The following ZMYM5 variants were observed in gnomAD, a reference collection of about 807,000 sequenced individuals.
ZMYM5 encodes the protein zinc finger MYM-type protein 5.
ZMYM5 carries 41 observed loss-of-function variants against 61.8 expected under a neutral mutation model. That is an observed-to-expected ratio of 0.66 (90% CI 0.52 to 0.86). ZMYM5 has a LOEUF of 0.86. ZMYM5 is among the 40% of genes least tolerant of loss of function. The probability of loss-of-function intolerance (pLI) is 0.00; values close to 1 mark genes in which losing one functional copy is unlikely to be tolerated. For synonymous variants in ZMYM5, 257 were observed against 276.4 expected, an observed-to-expected ratio of 0.93 and a Z score of 0.70; for missense variants, 706 against 786.7, an observed-to-expected ratio of 0.90 and a Z score of 1.23.
intron 7 of ZMYM5, among the ~76,000 whole-genome samples, chr13:19,833,611 G>T (rs755177659): frequency 1.6e-4 from 25 of 152,022 alleles, no homozygotes; most frequent in African/African-American, 6.0e-4. Context: ...AATTCAAAAT[G>T]AATCACAGGC....
In ZMYM5 at chr13:19,824,936, C is replaced by T; in HGVS notation, c.1551G>A (p.Val517=). Residue 517 remains valine (V), a synonymous_variant, in exon 8 of 8, where the codon GTG becomes GTA. Transcript: ENST00000337963. ...GCCACGTACCTGGATCTGCGGAAAGCACAACTGGTACAATGGAGTCTTCAA... is the reference window on the plus strand; with the variant it reads ...GCCACGTACCTGGATCTGCGGAAAGTACAACTGGTACAATGGAGTCTTCAA... ...KNFEDSIVPV[V]LSADPGTWPR... 2 of 1,363,888 alleles carry T rather than the reference C, an allele frequency of 1.5e-6. No individual in the cohort carries two copies. The highest frequency in any genetic ancestry group is 2.0e-6 in the Non-Finnish European group (2 of 1,019,908). 84.5% of individuals were successfully genotyped at this position (1,363,888 alleles called of 1,614,324 possible). A position where few individuals can be genotyped will look rare whatever the true frequency, so the allele number is the denominator to read the frequency against.
intron 2 of ZMYM5, among the ~76,000 whole-genome samples, chr13:19,852,479 TAATTA>T (rs1038245434): frequency 3.3e-5 from 5 of 152,166 alleles, no homozygotes; most frequent in African/African-American, 1.2e-4. Context: ...AGTAACAAAA[TAATTA>T]AATTAAATAC....
At chr13:19,857,031 G>A (rs912658928) in intron 2 of ZMYM5, among the ~76,000 whole-genome samples, 10 of 152,086 alleles carry the variant, frequency 6.6e-5, no homozygotes, top group African/African-American at 1.9e-4. Flanking sequence ...GCGTGAACCC[G>A]GGAGGCGGAG....
chr13:19,860,272 C>T (rs1953685189), intron 2 of ZMYM5, among the ~76,000 whole-genome samples: 1 of 150,304 alleles, frequency 6.7e-6, no homozygotes, highest in African/African-American at 2.4e-5. Context: ...ATGACAGGCA[C>T]CCACCAGCAC....
chr13:19,838,333 G>A (rs146979791), intron 5 of ZMYM5, among the ~76,000 whole-genome samples: 1,810 of 152,252 alleles, frequency 0.012, 20 homozygotes, highest in Middle Eastern at 0.024. Flanking sequence ...AGTGGAAATC[G>A]TGCCACTGCA....
intron 1 of ZMYM5, 128 bp downstream of exon 1, chr13:19,863,322 G>C (rs1249073935): frequency 3.3e-5 from 5 of 152,088 alleles, no homozygotes; most frequent in Non-Finnish European, 7.3e-5. Flanking sequence ...GTGACAGGAG[G>C]GCAGCCCCGA....
chr13:19,836,386 C>G (rs1196223569), intron 6 of ZMYM5, among the ~76,000 whole-genome samples: 1 of 152,018 alleles, frequency 6.6e-6, no homozygotes, highest in Non-Finnish European at 1.5e-5. Flanking sequence ...CTTGCAGCAC[C>G]ACACCTGACT....
At chr13:19,841,189 T>C (rs545956545) in intron 4 of ZMYM5, among the ~76,000 whole-genome samples, 1 of 151,802 alleles carries the variant, frequency 6.6e-6, no homozygotes, top group African/African-American at 2.4e-5. Flanking sequence ...GGTCTTGAAC[T>C]CCTGACCTCG....
At chr13:19,843,945 A>G (rs1181023621) in intron 4 of ZMYM5, among the ~76,000 whole-genome samples, 1 of 151,708 alleles carries the variant, frequency 6.6e-6, no homozygotes, top group Non-Finnish European at 1.5e-5. Context: ...CATCCTGGCT[A>G]TAACATGGTG....
In ZMYM5 at chr13:19,824,519, A is replaced by G. The variant is rs374636054; in HGVS notation, c.1968T>C (p.Tyr656=). 1.1e-4 allele frequency: 144 copies of G among 1,322,000 alleles called. No homozygotes were observed. In the African/African-American group the frequency reaches 2.0e-3, roughly 18 times the overall value. The allele number at this position is 1,322,000 out of a possible 1,614,324, so 81.9% of individuals were successfully genotyped here. A position where few individuals can be genotyped will look rare whatever the true frequency, so the allele number is the denominator to read the frequency against. The change falls in exon 8 of 8, where the codon TAT becomes TAC. Residue 656 remains tyrosine, a synonymous_variant. Transcript: ENST00000337963. ...KAIDAAEHRL[Y]ENEKNDGVLL... ...GCACACCATCATTTTTCTCATTTTC[A>G]TATAATCTGTGTTCTGCAGCATCAA...
chr13:19,859,178 C>T (rs1307811377), intron 2 of ZMYM5, among the ~76,000 whole-genome samples: 1 of 152,082 alleles, frequency 6.6e-6, no homozygotes, highest in Non-Finnish European at 1.5e-5. Context: ...AGAGAGCTGG[C>T]ATCCAGACTT....
chr13:19,824,771 T>C lies in ZMYM5; in HGVS notation c.1716A>G (p.Glu572=), dbSNP rs767490413. Residue 572 remains glutamate, a synonymous_variant, in exon 8 of 8, where the codon GAA becomes GAG. Coordinates refer to ENST00000337963, the MANE Select transcript of ZMYM5 (RefSeq NM_001142684.2). ...TYYTRILPNG[E]KTTRSWLLYS... ...AAAGTAACCAGGATCTAGTGGTTTTTTCACCATTTGGAAGAATCCGTGTAT... is the reference window on the plus strand; with the variant it reads ...AAAGTAACCAGGATCTAGTGGTTTTCTCACCATTTGGAAGAATCCGTGTAT... 2.2e-6 allele frequency: 3 copies of C among 1,359,570 alleles called. No individual in the cohort carries two copies. The highest frequency in any genetic ancestry group is 2.1e-4 in the Middle Eastern group (1 of 4,756). The allele number at this position is 1,359,570 out of a possible 1,614,324, so 84.2% of individuals were successfully genotyped here. A position where few individuals can be genotyped will look rare whatever the true frequency, so the allele number is the denominator to read the frequency against.
chr13:19,844,261 G>C (rs954784671), intron 4 of ZMYM5, among the ~76,000 whole-genome samples: 8 of 152,096 alleles, frequency 5.3e-5, no homozygotes, highest in Non-Finnish European at 1.2e-4. Flanking sequence ...AGTGAGCCGA[G>C]AATGTGCCAC....
intron 2 of ZMYM5, among the ~76,000 whole-genome samples, chr13:19,859,864 G>C (rs894806815): frequency 6.6e-6 from 1 of 151,026 alleles, no homozygotes; most frequent in Non-Finnish European, 1.5e-5. Flanking sequence ...CAGCACTTTG[G>C]GAGGCCAAGG....
chr13:19,844,137 CA>C (rs1228066138), intron 4 of ZMYM5, among the ~76,000 whole-genome samples: 12,352 of 65,536 alleles, frequency 0.19, 527 homozygotes, highest in African/African-American at 0.3. Context: ...GACTCCGTCT[CA>C]AAAAAAAAAA....
chr13:19,825,068 T>A lies in ZMYM5; in HGVS notation c.1419A>T (p.Val473=). 7.3e-7 allele frequency: 1 copy of A among 1,367,684 alleles called. No individual in the cohort carries two copies. The highest frequency in any genetic ancestry group is 9.8e-7 in the Non-Finnish European group (1 of 1,021,852). 84.7% of individuals were successfully genotyped at this position (1,367,684 alleles called of 1,614,324 possible). A position where few individuals can be genotyped will look rare whatever the true frequency, so the allele number is the denominator to read the frequency against. ...KEKTSQLQLS[V]ECGTDTLLIQ... ...TCAGTAATGTATCCGTGCCACATTCTACTGAAAGCTGTAGCTGTGAAGTCT... is the reference window on the plus strand; with the variant it reads ...TCAGTAATGTATCCGTGCCACATTCAACTGAAAGCTGTAGCTGTGAAGTCT... The change falls in exon 8 of 8, where the codon GTA becomes GTT. Residue 473 remains valine (V), a synonymous_variant. Transcript: ENST00000337963.
At chr13:19,844,137 CAAAAAA>C (rs1228066138) in intron 4 of ZMYM5, among the ~76,000 whole-genome samples, 5 of 65,540 alleles carry the variant, frequency 7.6e-5, no homozygotes, top group Admixed American at 3.7e-4. Context: ...GACTCCGTCT[CAAAAAA>C]AAAAAAAAAA....
At chr13:19,849,214 T>G (rs1953193784) in intron 4 of ZMYM5, among the ~76,000 whole-genome samples, 1 of 152,110 alleles carries the variant, frequency 6.6e-6, no homozygotes, top group Non-Finnish European at 1.5e-5. Context: ...GACCCCAAAC[T>G]CCAGGTCTCA....
chr13:19,837,950 T>A, intron 5 of ZMYM5, 129 bp from the exon 6 acceptor site: 5 of 1,067,154 alleles, frequency 4.7e-6, no homozygotes, highest in Non-Finnish European at 6.5e-6. Context: ...AACTTTTAGA[T>A]GCAGCAAATC....
Sources: gnomAD v4.1 joint callset for allele counts (sites outside exome capture counted in the v4.1 genomes callset) on GRCh38, gnomAD v4.1.1 for gene constraint, MANE v1.5 for transcripts, NCBI Gene and HGNC (gene_info 2026-07-23, HGNC 2026-07-21) for gene names.